CDH8: variants seen among roughly 807,000 people sequenced by gnomAD.
CDH8 encodes cadherin-8.
In CDH8, 17 loss-of-function variants were observed where a neutral mutation model predicts 68.1. The ratio of observed to expected loss-of-function variants is 0.25; its 90% CI spans 0.17 to 0.37. The LOEUF (loss-of-function observed/expected upper bound fraction) is 0.37, where lower values mean the gene tolerates loss of function less well. CDH8 is among the 10% of genes least tolerant of loss of function. CDH8 has a pLI of 1.00. For synonymous variants in CDH8, 372 were observed against 365.1 expected, an observed-to-expected ratio of 1.02 and a Z score of -0.21; for missense variants, 763 against 999.3, an observed-to-expected ratio of 0.76 and a Z score of 3.19.
In CDH8 at chr16:61,895,508, T is replaced by C. The variant is rs1409273380; in HGVS notation, c.547+5671A>G. ...GCATATAGTAAATTCTCAATACGTA[T>C]TGGTCATCATTACAGTAGCCCTGAA... On this transcript the variant is annotated intron_variant, in intron 3 of 11. Transcript: ENST00000577390. Among the ~76,000 whole-genome samples, 5 of 152,266 alleles carry C rather than the reference T, an allele frequency of 3.3e-5. No individual in the cohort carries two copies. The East Asian group carries it at 5.8e-4, about 18-fold the overall frequency.
intron 2 of CDH8, among the ~76,000 whole-genome samples, chr16:61,954,657 G>A (rs190921189): frequency 1.3e-5 from 2 of 149,416 alleles, no homozygotes; most frequent in Admixed American, 1.3e-4. Flanking sequence ...GCCGAGATTG[G>A]GCCACTGTAC....
chr16:61,940,333 T>C (rs2143531499), intron 2 of CDH8: 1 of 151,840 alleles, frequency 6.6e-6, no homozygotes, highest in East Asian at 1.9e-4. Flanking sequence ...TGAATATGTG[T>C]GCTCCTTATC....
At position 61,719,597 on chromosome 16, in the gene CDH8, G is replaced by A. The variant is rs145273123; in HGVS notation, c.1537-5639C>T. On this transcript the variant is annotated intron_variant, in intron 9 of 11. Transcript: ENST00000577390. ...ATCTATAGTTCATTTTCATTAGTAG[G>A]ATAAAATTCACAGTTTTCCACATAG... 2.2e-3 allele frequency among the ~76,000 whole-genome samples: 338 copies of A among 151,000 alleles called. 1 individual carries two copies. Among genetic ancestry groups the A allele is most frequent in the African/African-American group, 7.6e-3 (316 of 41,350 alleles).
intron 2 of CDH8, among the ~76,000 whole-genome samples, chr16:61,921,095 G>C (rs1284050818): frequency 8.0e-6 from 1 of 125,084 alleles, no homozygotes; most frequent in East Asian, 2.6e-4. Flanking sequence ...CACACTCTGG[G>C]GACTGTTGTG....
chr16:61,859,869 AG>A (rs901213315), intron 3 of CDH8, among the ~76,000 whole-genome samples: 1 of 152,118 alleles, frequency 6.6e-6, no homozygotes, highest in African/African-American at 2.4e-5. Context: ...TGTTTTTGAG[AG>A]GGAGCCTTGC....
chr16:61,900,215 A>G (rs527754393), intron 3 of CDH8, among the ~76,000 whole-genome samples: 14 of 152,036 alleles, frequency 9.2e-5, no homozygotes, highest in Non-Finnish European at 1.9e-4. Flanking sequence ...GTATTTACCA[A>G]ATTCTGGCTT....
chr16:61,720,059 A>C (rs2142879534), intron 9 of CDH8, among the ~76,000 whole-genome samples: 1 of 150,730 alleles, frequency 6.6e-6, no homozygotes, highest in Middle Eastern at 3.4e-3. Context: ...CTACCGCACA[A>C]GTTTCTATGA....
chr16:61,781,161 A>C lies in CDH8; in HGVS notation c.1414+8185T>G, dbSNP rs540548595. Reference sequence around the variant, plus strand: ...ATCTATTTTTGTATCTGTTTTTCTTACTTGTGTGGGATTTCTCAAAAATGA... The same window carrying C: ...ATCTATTTTTGTATCTGTTTTTCTTCCTTGTGTGGGATTTCTCAAAAATGA... On this transcript the variant is annotated intron_variant, in intron 8 of 11. Transcript: ENST00000577390. Among the ~76,000 whole-genome samples, 19 of 152,270 alleles carry C rather than the reference A, an allele frequency of 1.2e-4. No individual in the cohort carries two copies. In the South Asian group the frequency reaches 2.3e-3, roughly 18 times the overall value.
At chr16:61,770,063 C>T (rs1187245185) in intron 8 of CDH8, among the ~76,000 whole-genome samples, 2 of 151,762 alleles carry the variant, frequency 1.3e-5, no homozygotes, top group Admixed American at 1.3e-4. Context: ...TCAAACCTCC[C>T]TTTATTACAT....
chr16:61,663,253 T>G (rs1963603639), intron 10 of CDH8, among the ~76,000 whole-genome samples: 1 of 152,050 alleles, frequency 6.6e-6, no homozygotes, highest in Non-Finnish European at 1.5e-5. Context: ...TAAATATGTA[T>G]GAACTTTTAT....
intron 10 of CDH8, among the ~76,000 whole-genome samples, chr16:61,686,504 C>A (rs546422791): frequency 6.6e-6 from 1 of 152,020 alleles, no homozygotes; most frequent in East Asian, 1.9e-4. Context: ...TCATCTGGTT[C>A]TTTTAATTCC....
At chr16:61,883,780 G>A (rs1963621435) in intron 3 of CDH8, among the ~76,000 whole-genome samples, 1 of 151,856 alleles carries the variant, frequency 6.6e-6, no homozygotes, top group African/African-American at 2.4e-5. Flanking sequence ...GAACTCTTAA[G>A]CACAAAGTCT....
intron 2 of CDH8, among the ~76,000 whole-genome samples, chr16:61,938,565 A>C (rs1253449642): frequency 6.6e-6 from 1 of 152,202 alleles, no homozygotes; most frequent in African/African-American, 2.4e-5. Context: ...CACATATGGC[A>C]AGTAACATTA....
At chr16:61,811,600 T>C (rs189296833) in intron 7 of CDH8, among the ~76,000 whole-genome samples, 7 of 152,294 alleles carry the variant, frequency 4.6e-5, no homozygotes, top group Admixed American at 6.5e-5. Flanking sequence ...TTAGCACTCC[T>C]ATGTTCATAG....
chr16:61,992,817 C>T (rs937677390), intron 2 of CDH8, among the ~76,000 whole-genome samples: 16 of 152,134 alleles, frequency 1.1e-4, no homozygotes, highest in South Asian at 2.1e-4. Context: ...GAGACAGGGT[C>T]CTGCTCAGTT....
At chr16:61,803,590 C>A (rs1961714822) in intron 7 of CDH8, among the ~76,000 whole-genome samples, 1 of 151,974 alleles carries the variant, frequency 6.6e-6, no homozygotes, top group Non-Finnish European at 1.5e-5. Flanking sequence ...TGCAGAGACA[C>A]ACATAGGTTC....
chr16:61,696,156 C>A (rs1964321454), intron 10 of CDH8, among the ~76,000 whole-genome samples: 1 of 152,166 alleles, frequency 6.6e-6, no homozygotes, highest in Non-Finnish European at 1.5e-5. Flanking sequence ...GTGAAGGAAT[C>A]CCTCTGCTGA....
intron 2 of CDH8, among the ~76,000 whole-genome samples, chr16:61,912,637 T>C (rs1411505999): frequency 6.6e-6 from 1 of 152,118 alleles, no homozygotes; most frequent in Non-Finnish European, 1.5e-5. Flanking sequence ...ACATCCTTCC[T>C]TTTGGATAAG....
At chr16:61,860,077 G>A (rs184545676) in intron 3 of CDH8, among the ~76,000 whole-genome samples, 9 of 152,126 alleles carry the variant, frequency 5.9e-5, no homozygotes, top group East Asian at 1.9e-4. Flanking sequence ...TCGTGACATC[G>A]TGATCTGCCC....
Sources: allele counts gnomAD v4.1 joint callset (sites outside exome capture counted in the v4.1 genomes callset), GRCh38; gene constraint gnomAD v4.1.1; transcripts MANE v1.5; gene names NCBI Gene and HGNC (gene_info 2026-07-23, HGNC 2026-07-21).